The following MTMR7 variants were observed in gnomAD, a reference collection of about 807,000 sequenced individuals.
MTMR7 encodes the protein phosphatidylinositol-3-phosphate phosphatase MTMR7.
MTMR7 carries 76 observed loss-of-function variants against 81.2 expected under a neutral mutation model. That is an observed-to-expected ratio of 0.94 (90% confidence interval 0.78 to 1.13). The LOEUF (loss-of-function observed/expected upper bound fraction) is 1.13, where lower values mean the gene tolerates loss of function less well. Ranked by LOEUF, MTMR7 falls within the 50% of genes most tolerant of loss-of-function variation. The pLI, the probability that MTMR7 is intolerant of heterozygous loss-of-function variation, is 0.00. For synonymous variants in MTMR7, 372 were observed against 289.8 expected, an observed-to-expected ratio of 1.28 and a Z score of -2.88; for missense variants, 1,044 against 820.0, an observed-to-expected ratio of 1.27 and a Z score of -3.34.
chr8:17,347,243 C>G (rs892771723), intron 5 of MTMR7, among the ~76,000 whole-genome samples: 1 of 151,842 alleles, frequency 6.6e-6, no homozygotes, highest in Non-Finnish European at 1.5e-5. Context: ...AACCAGTGCT[C>G]CAGCTCTGTG....
At chr8:17,393,390 C>G (rs990676074) in intron 1 of MTMR7, among the ~76,000 whole-genome samples, 2 of 152,096 alleles carry the variant, frequency 1.3e-5, no homozygotes, top group Non-Finnish European at 2.9e-5. Context: ...AATTGTACTT[C>G]ATTAGTATTA....
chr8:17,378,642 G>A (rs1457105168), intron 1 of MTMR7, among the ~76,000 whole-genome samples: 2 of 152,112 alleles, frequency 1.3e-5, no homozygotes, highest in African/African-American at 4.8e-5. Context: ...GACATACGAG[G>A]TATTCATACT....
At chr8:17,380,487 G>A (rs964580306) in intron 1 of MTMR7, among the ~76,000 whole-genome samples, 4 of 151,694 alleles carry the variant, frequency 2.6e-5, no homozygotes, top group African/African-American at 2.4e-5. Context: ...CCAACCTTTC[G>A]GCTTCCCTGA....
At chr8:17,386,152 G>T (rs1008159208) in intron 1 of MTMR7, among the ~76,000 whole-genome samples, 1 of 152,144 alleles carries the variant, frequency 6.6e-6, no homozygotes, top group South Asian at 2.1e-4. Context: ...GAGGCAGGAG[G>T]ACTGCTTGAG....
rs7816975 is a variant in MTMR7, at chr8:17,303,735, G to T, written c.1493+644C>A. Among the ~76,000 whole-genome samples the T allele has an allele frequency of 5.3e-5, 8 of 151,660 alleles. 1 individual carries two copies. The South Asian group carries it at 1.7e-3, about 32-fold the overall frequency. On this transcript the variant is annotated intron_variant, in intron 12 of 13. Transcript: ENST00000180173. ...AGTGATTCTCCTGTCTCAGCCTCCC[G>T]AGTAGCTAGGATTACAGGCGCTCAC...
At position 17,299,743 on chromosome 8, in the gene MTMR7, C is replaced by T; in HGVS notation, c.*119G>A. Reference sequence around the variant, plus strand: ...GCACTTTTTTCCCTTTTCATAGCTGCATTAAAGTAGTTCTCAATGACATGC... The same window carrying T: ...GCACTTTTTTCCCTTTTCATAGCTGTATTAAAGTAGTTCTCAATGACATGC... On this transcript the variant is annotated 3_prime_UTR_variant, in exon 14 of 14. Transcript: ENST00000180173. 3 of 1,404,882 alleles carry T rather than the reference C, an allele frequency of 2.1e-6. No individual in the cohort carries two copies. The highest frequency in any genetic ancestry group is 2.9e-6 in the Non-Finnish European group (3 of 1,033,162). 87.0% of individuals were successfully genotyped at this position (1,404,882 alleles called of 1,614,324 possible).
chr8:17,407,425 T>C (rs963117891), intron 1 of MTMR7, among the ~76,000 whole-genome samples: 16 of 152,184 alleles, frequency 1.1e-4, no homozygotes, highest in African/African-American at 3.9e-4. Flanking sequence ...GAAAGTCATT[T>C]GGTAATATAT....
intron 5 of MTMR7, among the ~76,000 whole-genome samples, chr8:17,344,012 C>G (rs1308086096): frequency 6.6e-6 from 1 of 152,084 alleles, no homozygotes; most frequent in Non-Finnish European, 1.5e-5. Context: ...TTAAAATATT[C>G]AACATTTTTG....
chr8:17,411,436 A>T (rs1025344097), intron 1 of MTMR7, among the ~76,000 whole-genome samples: 14 of 152,170 alleles, frequency 9.2e-5, no homozygotes, highest in African/African-American at 3.1e-4. Flanking sequence ...CCCCTTAGAG[A>T]TTGTGAGTTC....
At chr8:17,309,472 C>G (rs1817669007) in intron 9 of MTMR7, 146 bp from the exon 10 acceptor site, 2 of 662,384 alleles carry the variant, frequency 3.0e-6, no homozygotes, top group African/African-American at 1.8e-5. Context: ...GCATTATCCA[C>G]CCATATAGAG....
intron 7 of MTMR7, among the ~76,000 whole-genome samples, chr8:17,322,368 G>A (rs1818435120): frequency 6.6e-6 from 1 of 152,172 alleles, no homozygotes; most frequent in Admixed American, 6.5e-5. Flanking sequence ...CAAGCAGCAA[G>A]TTCATAGAAT....
At chr8:17,324,760 A>G (rs897949971) in intron 7 of MTMR7, among the ~76,000 whole-genome samples, 1 of 152,194 alleles carries the variant, frequency 6.6e-6, no homozygotes, top group Non-Finnish European at 1.5e-5. Context: ...TGGGTTTTCT[A>G]TGTGGAAACC....
At chr8:17,360,539 T>G (rs992887418) in intron 4 of MTMR7, among the ~76,000 whole-genome samples, 2 of 151,848 alleles carry the variant, frequency 1.3e-5, no homozygotes, top group East Asian at 1.9e-4. Flanking sequence ...GTTACTCAAA[T>G]ATTTTTAAAA....
At chr8:17,357,351 C>T (rs981508471) in intron 4 of MTMR7, among the ~76,000 whole-genome samples, 7 of 152,122 alleles carry the variant, frequency 4.6e-5, no homozygotes, top group Non-Finnish European at 5.9e-5. Flanking sequence ...GTTTCTTAAA[C>T]GAAATGGATG....
At chr8:17,403,775 T>C (rs1821495520) in intron 1 of MTMR7, among the ~76,000 whole-genome samples, 2 of 151,752 alleles carry the variant, frequency 1.3e-5, no homozygotes, top group Admixed American at 1.3e-4. Flanking sequence ...TTGCCTTTTA[T>C]AGATCTTTTA....
intron 1 of MTMR7, among the ~76,000 whole-genome samples, chr8:17,410,073 T>G (rs569780148): frequency 6.6e-6 from 1 of 151,994 alleles, no homozygotes; most frequent in Non-Finnish European, 1.5e-5. Flanking sequence ...AGCAGGGAAG[T>G]AGCATGATCA....
intron 1 of MTMR7, among the ~76,000 whole-genome samples, chr8:17,392,419 T>C (rs1441775346): frequency 2.0e-5 from 3 of 152,204 alleles, no homozygotes; most frequent in Non-Finnish European, 4.4e-5. Context: ...TGTTTCAAGG[T>C]GTACAGTGCC....
intron 4 of MTMR7, among the ~76,000 whole-genome samples, chr8:17,354,690 A>C (rs748121030): frequency 1.8e-4 from 27 of 152,216 alleles, no homozygotes; most frequent in Non-Finnish European, 3.4e-4. Flanking sequence ...ATTTGTGAGA[A>C]GAAATAAGAT....
chr8:17,346,641 C>T (rs967029199), intron 5 of MTMR7, among the ~76,000 whole-genome samples: 1 of 147,790 alleles, frequency 6.8e-6, no homozygotes, highest in Non-Finnish European at 1.5e-5. Flanking sequence ...AGTAAAATGT[C>T]CCTTGTCTCA....
Sources: gnomAD v4.1 joint callset for allele counts (sites outside exome capture counted in the v4.1 genomes callset) on GRCh38, gnomAD v4.1.1 for gene constraint, MANE v1.5 for transcripts, NCBI Gene and HGNC (gene_info 2026-07-23, HGNC 2026-07-21) for gene names.